The following AFF4 variants were observed in gnomAD, a reference collection of about 807,000 sequenced individuals.
AFF4 encodes the protein ALF transcription elongation factor 4, also known as AF4/FMR2 family member 4.
A neutral mutation model predicts 124.8 loss-of-function variants in AFF4; 13 were observed. The ratio of observed to expected loss-of-function variants is 0.10; its 90% confidence interval spans 0.07 to 0.17. The LOEUF is 0.17. Among genes scored for constraint, AFF4 ranks in the 10% least tolerant of loss-of-function variants. The pLI, the probability that AFF4 is intolerant of heterozygous loss-of-function variation, is 1.00. For synonymous variants in AFF4, 477 were observed against 496.1 expected, an observed-to-expected ratio of 0.96 and a Z score of 0.51; for missense variants, 1,092 against 1,403.8, an observed-to-expected ratio of 0.78 and a Z score of 3.55.
intron 1 of AFF4, among the ~76,000 whole-genome samples, chr5:132,940,464 G>A (rs1581324836): frequency 6.6e-6 from 1 of 152,000 alleles, no homozygotes; most frequent in East Asian, 1.9e-4. Flanking sequence ...TCGCACCACT[G>A]CACTCCAGCC....
At chr5:132,952,812 C>T (rs1761876180) in intron 1 of AFF4, among the ~76,000 whole-genome samples, 1 of 152,108 alleles carries the variant, frequency 6.6e-6, no homozygotes, top group African/African-American at 2.4e-5. Flanking sequence ...GCATGAGAAT[C>T]ACTTGAACCT....
At chr5:132,921,227 G>T (rs1176102759) in intron 5 of AFF4, among the ~76,000 whole-genome samples, 1 of 151,756 alleles carries the variant, frequency 6.6e-6, no homozygotes, top group Non-Finnish European at 1.5e-5. Context: ...CACCAAAGAA[G>T]ATAAGCAAAT....
chr5:132,951,223 C>CAA (rs111423086), intron 1 of AFF4, among the ~76,000 whole-genome samples: 5 of 134,156 alleles, frequency 3.7e-5, no homozygotes, highest in African/African-American at 1.1e-4. Flanking sequence ...GACTCCGTCT[C>CAA]AAAAAAAAAA....
chr5:132,876,670 T>A lies in AFF4; in HGVS notation c.*4389A>T, dbSNP rs1759846264. ...TACCTTATTCTGTGACCAAATTACA[T>A]GAAAAGAAGATACATAGTTATTATT... is the stretch of plus-strand genomic sequence containing the variant. On this transcript the variant is annotated 3_prime_UTR_variant, in exon 21 of 21. Transcript: ENST00000265343. The A allele has an allele frequency of 5.0e-6, 1 of 198,260 alleles. No homozygotes were observed. Among genetic ancestry groups the A allele is most frequent in the Non-Finnish European group, 1.0e-5 (1 of 95,836 alleles). The allele number at this position is 198,260 out of a possible 1,614,324, so 12.3% of individuals were successfully genotyped here. A position where few individuals can be genotyped will look rare whatever the true frequency, so the allele number is the denominator to read the frequency against.
At chr5:132,950,764 G>A (rs1761825351) in intron 1 of AFF4, among the ~76,000 whole-genome samples, 1 of 152,064 alleles carries the variant, frequency 6.6e-6, no homozygotes, top group African/African-American at 2.4e-5. Context: ...CAGTGACAAA[G>A]GAAAAAAACT....
In AFF4 at chr5:132,880,957, C is replaced by T. The variant is rs1232184918; in HGVS notation, c.*102G>A. ...ATGAACCAACGAGGAGAAAACTATT[C>T]CTCATTCTTAGTGTCGACTAGGTGG... On this transcript the variant is annotated 3_prime_UTR_variant, in exon 21 of 21. Coordinates refer to ENST00000265343, the MANE Select transcript of AFF4 (RefSeq NM_014423.4). 5 of 1,416,326 alleles carry T rather than the reference C, an allele frequency of 3.5e-6. No individual in the cohort carries two copies. Among genetic ancestry groups the T allele is most frequent in the Non-Finnish European group, 4.7e-6 (5 of 1,054,796 alleles). The allele number at this position is 1,416,326 out of a possible 1,614,324, so 87.7% of individuals were successfully genotyped here.
rs1761447568 is a variant in AFF4, at chr5:132,937,001, T to C, written c.123+66A>G. The C allele has an allele frequency of 1.6e-5, 24 of 1,540,962 alleles. No individual in the cohort carries two copies. The South Asian group carries it at 2.9e-4, about 19-fold the overall frequency. ...CTTTTCTAATATAAACATTCAAGTGTGAAACATTTTAAAAGCAAAAATGTC... is the reference window on the plus strand; with the variant it reads ...CTTTTCTAATATAAACATTCAAGTGCGAAACATTTTAAAAGCAAAAATGTC... On this transcript the variant is annotated intron_variant, in intron 2 of 20. Coordinates refer to ENST00000265343, the MANE Select transcript of AFF4 (RefSeq NM_014423.4).
chr5:132,945,606 G>C (rs775689676), intron 1 of AFF4, among the ~76,000 whole-genome samples: 1 of 151,954 alleles, frequency 6.6e-6, no homozygotes, highest in Non-Finnish European at 1.5e-5. Context: ...ACAAAAATTA[G>C]CTGGGCATGG....
At chr5:132,962,428 TA>T (rs368406643) in intron 1 of AFF4, among the ~76,000 whole-genome samples, 36 of 152,250 alleles carry the variant, frequency 2.4e-4, no homozygotes, top group African/African-American at 7.0e-4. Flanking sequence ...ACGAGAACCC[TA>T]AATCGAACTC....
chr5:132,902,422 T>C lies in AFF4; in HGVS notation c.1133+20A>G, dbSNP rs371480824. ...TTAGCAAAAATGATAAATATTAAACTCATTAAGCAATAAACTTACGATTTA... is the reference window on the plus strand; with the variant it reads ...TTAGCAAAAATGATAAATATTAAACCCATTAAGCAATAAACTTACGATTTA... On this transcript the variant is annotated intron_variant, in intron 7 of 20. Transcript: ENST00000265343. 2.2e-5 allele frequency: 35 copies of C among 1,566,828 alleles called. 1 individual carries two copies. The South Asian group carries it at 3.4e-4, about 15-fold the overall frequency.
chr5:132,903,153 AAAAAG>A (rs1342630091), intron 6 of AFF4, among the ~76,000 whole-genome samples: 2 of 152,232 alleles, frequency 1.3e-5, no homozygotes, highest in East Asian at 3.8e-4. Flanking sequence ...AAAAGGAAAC[AAAAAG>A]AAGAGAGAAA....
At chr5:132,947,093 T>G (rs114468825) in intron 1 of AFF4, among the ~76,000 whole-genome samples, 6,752 of 152,228 alleles carry the variant, frequency 0.044, 224 homozygotes, top group African/African-American at 0.079. Flanking sequence ...TATGACTTTT[T>G]GCAAGTTTAA....
At chr5:132,882,262 G>T (rs1581265696) in intron 20 of AFF4, among the ~76,000 whole-genome samples, 1 of 148,980 alleles carries the variant, frequency 6.7e-6, no homozygotes. Context: ...TTTCACCATT[G>T]CCTCTCTTTA....
At chr5:132,943,594 C>G in intron 1 of AFF4, 1 of 186,918 alleles carries the variant, frequency 5.3e-6, no homozygotes, top group Admixed American at 5.8e-5. Flanking sequence ...CACCTTGGCT[C>G]CAGTCAATGT....
intron 5 of AFF4, among the ~76,000 whole-genome samples, chr5:132,912,173 C>CAAAAAAAA (rs1188332109): frequency 9.4e-5 from 6 of 64,102 alleles, no homozygotes; most frequent in Non-Finnish European, 1.3e-4. Context: ...ACTAAAAATA[C>CAAAAAAAA]AAAAAAAAAA....
At chr5:132,908,189 T>C (rs1760712763) in intron 5 of AFF4, among the ~76,000 whole-genome samples, 1 of 152,044 alleles carries the variant, frequency 6.6e-6, no homozygotes. Flanking sequence ...ATGTATAGAA[T>C]ATGCATTACT....
At chr5:132,932,359 A>G in intron 3 of AFF4, 137 bp from the exon 4 acceptor site, 2 of 529,504 alleles carry the variant, frequency 3.8e-6, no homozygotes, top group South Asian at 6.6e-5. Context: ...TCTTTGGATT[A>G]ATTTCCTTAA....
intron 1 of AFF4, among the ~76,000 whole-genome samples, chr5:132,938,823 G>C (rs1182487097): frequency 1.3e-5 from 2 of 150,468 alleles, no homozygotes; most frequent in African/African-American, 4.9e-5. Context: ...GGCGCCTGTA[G>C]TCCCGGCTAC....
intron 17 of AFF4, 34 bp from the exon 18 acceptor site, chr5:132,886,437 G>A (rs1398893628): frequency 2.5e-6 from 4 of 1,596,578 alleles, no homozygotes; most frequent in East Asian, 2.2e-5. Context: ...TATTTACCAG[G>A]ACAGCAAACT....
Sources: gnomAD v4.1 joint callset for allele counts (sites outside exome capture counted in the v4.1 genomes callset) on GRCh38, gnomAD v4.1.1 for gene constraint, MANE v1.5 for transcripts, NCBI Gene and HGNC (gene_info 2026-07-23, HGNC 2026-07-21) for gene names.